The following CLSPN variants were observed in gnomAD, a reference collection of about 807,000 sequenced individuals.
CLSPN encodes the protein claspin.
Under a neutral mutation model 156.3 loss-of-function variants are expected in CLSPN, and 85 were observed. The observed-to-expected ratio is 0.54, with a 90% CI of 0.46 to 0.65. The LOEUF is 0.65. Among genes scored for constraint, CLSPN ranks in the 30% least tolerant of loss-of-function variants. The probability of loss-of-function intolerance (pLI) is 0.00; values close to 1 mark genes in which losing one functional copy is unlikely to be tolerated. For missense variants in CLSPN, 1,407 were observed against 1,554.9 expected, an observed-to-expected ratio of 0.90 and a Z score of 1.60; for synonymous variants, 534 against 542.4, an observed-to-expected ratio of 0.98 and a Z score of 0.22.
chr1:35,765,241 G>A lies in CLSPN; in HGVS notation c.110C>T (p.Thr37Ile). 2 of 1,612,726 alleles carry A rather than the reference G, an allele frequency of 1.2e-6. No individual in the cohort carries two copies. The highest frequency in any genetic ancestry group is 1.7e-6 in the Non-Finnish European group (2 of 1,178,996). The change falls in exon 2 of 25, where the codon ACA becomes ATA. Residue 37 changes from threonine (T) to isoleucine (I), a missense_variant. Physicochemically the swap from Thr to Ile is moderately conservative, Grantham distance 89. Around this residue, in one of 3 missense-constraint regions of CLSPN, gnomAD observed 1,096 missense variants for 1,193.0 expected, o/e 0.92. Coordinates refer to ENST00000318121, the MANE Select transcript of CLSPN (RefSeq NM_022111.4). ...PSDSGQGSYETIGPLSEGDSD... is the reference protein window; with the variant it reads ...PSDSGQGSYEIIGPLSEGDSD... The stretch of plus-strand genomic sequence containing the variant: ...ACCTCCTTCACTCAAGGGTCCAATT[G>A]TTTCATAGCTGCCCTGTCCACTATC...
chr1:35,741,754 C>T (rs1039269889), intron 18 of CLSPN, among the ~76,000 whole-genome samples: 3 of 151,186 alleles, frequency 2.0e-5, no homozygotes, highest in Admixed American at 6.6e-5. Flanking sequence ...GCGGGTGGAT[C>T]GTGAGGTCAA....
intron 14 of CLSPN, among the ~76,000 whole-genome samples, chr1:35,747,630 A>G (rs1641936915): frequency 6.6e-6 from 1 of 152,252 alleles, no homozygotes; most frequent in Non-Finnish European, 1.5e-5. Context: ...ATAACATAGC[A>G]GGATGGATAC....
At chr1:35,763,439 A>G in intron 3 of CLSPN, 118 bp from the exon 4 acceptor site, 1 of 658,622 alleles carries the variant, frequency 1.5e-6, no homozygotes, top group Non-Finnish European at 2.4e-6. Context: ...ACAGACAAGC[A>G]TATAAAATCT....
chr1:35,742,397 T>C (rs1641725594), intron 18 of CLSPN, among the ~76,000 whole-genome samples: 1 of 152,188 alleles, frequency 6.6e-6, no homozygotes, highest in Non-Finnish European at 1.5e-5. Context: ...AGTCTTGCTC[T>C]ATCACCCAGG....
In CLSPN at chr1:35,743,443, C is replaced by T; in HGVS notation, c.3042+12G>A. The stretch of plus-strand genomic sequence containing the variant: ...AGCTCAGTTATGATTACTTTGTTCC[C>T]TTCATACTCACCTCATCACTATCAA... On this transcript the variant is annotated intron_variant, in intron 17 of 24. Coordinates refer to ENST00000318121, the MANE Select transcript of CLSPN (RefSeq NM_022111.4). 1 of 1,606,724 alleles carries T rather than the reference C, an allele frequency of 6.2e-7. No homozygotes were observed.
chr1:35,757,541 C>A (rs984339254), intron 8 of CLSPN, among the ~76,000 whole-genome samples: 3 of 152,166 alleles, frequency 2.0e-5, no homozygotes, highest in Non-Finnish European at 4.4e-5. Context: ...CCTCTCTGAG[C>A]CTCAGTCTCT....
chr1:35,747,321 CA>C (rs879677285), intron 14 of CLSPN, among the ~76,000 whole-genome samples: 52 of 135,978 alleles, frequency 3.8e-4, no homozygotes, highest in South Asian at 2.1e-3. Context: ...GACTCTGCCT[CA>C]AAAAAAAAAA....
At position 35,733,009 on chromosome 1, in the gene CLSPN, T is replaced by C. The variant is rs924431566; in HGVS notation, c.*3487A>G. 9.6e-5 allele frequency: 91 copies of C among 951,076 alleles called. No individual in the cohort carries two copies. Among genetic ancestry groups the C allele is most frequent in the Non-Finnish European group, 1.1e-4 (89 of 798,954 alleles). 58.9% of individuals were successfully genotyped at this position (951,076 alleles called of 1,614,324 possible). On this transcript the variant is annotated 3_prime_UTR_variant, in exon 25 of 25. Transcript: ENST00000318121. ...AGAGGGAGTCTCACTCTGTCGCCCA[T>C]GCTGGAGAGCAGTGGCGTGATCTCG...
downstream of CLSPN, among the ~76,000 whole-genome samples, chr1:35,728,236 C>T (rs1641238511): frequency 6.6e-6 from 1 of 152,060 alleles, no homozygotes; most frequent in Non-Finnish European, 1.5e-5. Context: ...TGCATGCCAC[C>T]ATGCACAGCT....
intron 15 of CLSPN, among the ~76,000 whole-genome samples, chr1:35,745,843 G>C (rs1478785710): frequency 6.6e-6 from 1 of 152,130 alleles, no homozygotes; most frequent in Non-Finnish European, 1.5e-5. Context: ...CAGGAAGTAA[G>C]TTAACATTTA....
intron 9 of CLSPN, 25 bp from the exon 10 acceptor site, chr1:35,751,531 T>A (rs1365567194): frequency 6.2e-7 from 1 of 1,600,766 alleles, no homozygotes. Flanking sequence ...GTAGAAATGC[T>A]TTAGACATAA....
intron 9 of CLSPN, among the ~76,000 whole-genome samples, chr1:35,752,317 C>T (rs1642115014): frequency 6.6e-6 from 1 of 152,090 alleles, no homozygotes; most frequent in South Asian, 2.1e-4. Context: ...CAGTGACTCA[C>T]GCCTGTAATC....
chr1:35,732,333 C>G lies in CLSPN; in HGVS notation c.*4163G>C. 1 of 985,266 alleles carries G rather than the reference C, an allele frequency of 1.0e-6. No homozygotes were observed. Among genetic ancestry groups the G allele is most frequent in the Non-Finnish European group, 1.2e-6 (1 of 829,888 alleles). 61.0% of individuals were successfully genotyped at this position (985,266 alleles called of 1,614,324 possible). ...GCCACAAGAGTGATTAGACATAACC[C>G]TAGGAGATAAAAACCAAAAACACCC... On this transcript the variant is annotated 3_prime_UTR_variant, in exon 25 of 25. Transcript: ENST00000318121.
At chr1:35,753,160 A>G (rs1220762076) in intron 9 of CLSPN, among the ~76,000 whole-genome samples, 1 of 152,114 alleles carries the variant, frequency 6.6e-6, no homozygotes. Context: ...TGCCACAATC[A>G]TGACTCATTA....
chr1:35,746,693 C>G lies in CLSPN; in HGVS notation c.2854+73G>C. ...GATTACAGGCATGAGCCACCCCACC[C>G]GCCCAGGGAATTCTTTTCAAGGGCA... On this transcript the variant is annotated intron_variant, in intron 15 of 24. Transcript: ENST00000318121. The surrounding 1 kb of genome is among the most constrained non-coding windows in gnomAD (Gnocchi z 4.2). 2 of 1,056,116 alleles carry G rather than the reference C, an allele frequency of 1.9e-6. No individual in the cohort carries two copies. Among genetic ancestry groups the G allele is most frequent in the African/African-American group, 1.6e-5 (1 of 64,014 alleles). 65.4% of individuals were successfully genotyped at this position (1,056,116 alleles called of 1,614,324 possible). A position where few individuals can be genotyped will look rare whatever the true frequency, so the allele number is the denominator to read the frequency against.
chr1:35,733,751 G>A lies in CLSPN; in HGVS notation c.*2745C>T, dbSNP rs1571188284. On this transcript the variant is annotated 3_prime_UTR_variant, in exon 25 of 25. Coordinates refer to ENST00000318121, the MANE Select transcript of CLSPN (RefSeq NM_022111.4). ...CCAGCATTTTGGGAGGCCAAGGTGG[G>A]AGGATTACTTGAGGCCAGGAGTTCA... 2 of 938,920 alleles carry A rather than the reference G, an allele frequency of 2.1e-6. No individual in the cohort carries two copies. The highest frequency in any genetic ancestry group is 3.6e-5 in the African/African-American group (2 of 56,284). The allele number at this position is 938,920 out of a possible 1,614,324, so 58.2% of individuals were successfully genotyped here.
chr1:35,765,106 A>C, intron 2 of CLSPN, 112 bp downstream of exon 2: 2 of 671,294 alleles, frequency 3.0e-6, no homozygotes, highest in Non-Finnish European at 5.1e-6. Flanking sequence ...ACAAACAATA[A>C]GGATGGGGCA....
At chr1:35,743,055 G>A (rs1181997368) in intron 18 of CLSPN, 86 bp downstream of exon 18, 4 of 969,682 alleles carry the variant, frequency 4.1e-6, no homozygotes, top group Non-Finnish European at 6.5e-6. Context: ...CCAAAATGAT[G>A]GGATTACAGG....
In CLSPN at chr1:35,734,783, C is replaced by T. The variant is rs1641410716; in HGVS notation, c.*1713G>A. 1 of 984,936 alleles carries T rather than the reference C, an allele frequency of 1.0e-6. No homozygotes were observed. The highest frequency in any genetic ancestry group is 6.2e-5 in the Admixed American group (1 of 16,240). The allele number at this position is 984,936 out of a possible 1,614,324, so 61.0% of individuals were successfully genotyped here. ...GCATCAATTAAATTGGTGTTCCCAT[C>T]TCCCAGTAAAAAACTGGCACACTCT... On this transcript the variant is annotated 3_prime_UTR_variant, in exon 25 of 25. Coordinates refer to ENST00000318121, the MANE Select transcript of CLSPN (RefSeq NM_022111.4).
Sources: gnomAD v4.1 joint callset for allele counts (sites outside exome capture counted in the v4.1 genomes callset) on GRCh38, gnomAD v4.1.1 for gene constraint, gnomAD v4.1.1 regional missense constraint, Gnocchi (gnomAD v3.1) non-coding constraint, MANE v1.5 for transcripts, NCBI Gene and HGNC (gene_info 2026-07-23, HGNC 2026-07-21) for gene names.